The following RNF150 variants were observed in gnomAD, a reference collection of about 807,000 sequenced individuals.
RNF150 encodes ring finger protein 150.
Under a neutral mutation model 39.3 loss-of-function variants are expected in RNF150, and 24 were observed. The ratio of observed to expected loss-of-function variants is 0.61; its 90% confidence interval spans 0.44 to 0.86. The LOEUF (loss-of-function observed/expected upper bound fraction) is 0.86, where lower values mean the gene tolerates loss of function less well. Ranked by LOEUF, RNF150 falls within the 40% of genes least tolerant of loss-of-function variation. The pLI, the probability that RNF150 is intolerant of heterozygous loss-of-function variation, is 0.00. For missense variants in RNF150, 502 were observed against 587.8 expected (o/e 0.85, Z 1.51); for synonymous variants, 255 against 227.3 (o/e 1.12, Z -1.10).
chr4:140,988,962 T>C (rs1056954064), intron 1 of RNF150, among the ~76,000 whole-genome samples: 4 of 151,966 alleles, frequency 2.6e-5, no homozygotes, highest in Non-Finnish European at 4.4e-5. Flanking sequence ...ATGAGAACAC[T>C]TGGACACAGG....
At chr4:141,154,393 C>T (rs1207505873) in intron 1 of RNF150, among the ~76,000 whole-genome samples, 1 of 152,160 alleles carries the variant, frequency 6.6e-6, no homozygotes, top group Non-Finnish European at 1.5e-5. Flanking sequence ...CCTTAGCGTG[C>T]CTGTGTGGCA....
Position 141,061,340 on chromosome 4 carries a change from T to C in RNF150, c.484+70985A>G, listed in dbSNP as rs184463279. Among the ~76,000 whole-genome samples, 494 of 152,260 alleles carry C rather than the reference T, an allele frequency of 3.2e-3. 4 individuals carry two copies. The highest frequency in any genetic ancestry group is 1.6e-3 in the Non-Finnish European group (109 of 68,018). On this transcript the variant is annotated intron_variant, in intron 1 of 6. Coordinates refer to ENST00000515673, the MANE Select transcript of RNF150 (RefSeq NM_020724.2). ...TTTCAGAAAGCAATTCTGAGCTATT[T>C]GTTCACACATTGGAGATAAATAAAA...
rs185473882 is a variant in RNF150, at chr4:140,918,786, A to G, written c.987+7191T>C. 1.5e-3 allele frequency among the ~76,000 whole-genome samples: 233 copies of G among 152,320 alleles called. 1 individual carries two copies. Among genetic ancestry groups the G allele is most frequent in the Admixed American group, 3.5e-3 (54 of 15,304 alleles). On this transcript the variant is annotated intron_variant, in intron 5 of 6. Coordinates refer to ENST00000515673, the MANE Select transcript of RNF150 (RefSeq NM_020724.2). The stretch of plus-strand genomic sequence containing the variant: ...ACGAAAATTGATGCAAAAATCCTCA[A>G]TAAAATACTGGCAAACCAAATCCAG...
At chr4:141,189,963 G>T (rs1728075992) in intron 1 of RNF150, among the ~76,000 whole-genome samples, 1 of 152,198 alleles carries the variant, frequency 6.6e-6, no homozygotes, top group South Asian at 2.1e-4. Context: ...TACTCCTGCA[G>T]GTAGCTTGGT....
chr4:141,196,732 T>C (rs1157725718), intron 1 of RNF150, among the ~76,000 whole-genome samples: 1 of 152,220 alleles, frequency 6.6e-6, no homozygotes, highest in Admixed American at 6.5e-5. Flanking sequence ...TGGCCTTGAC[T>C]TCTTGCTAAG....
Position 141,181,718 on chromosome 4 carries a change from C to G in RNF150, c.-6+31076G>C, listed in dbSNP as rs182641515. Among the ~76,000 whole-genome samples the G allele has an allele frequency of 1.9e-3, 296 of 152,192 alleles. 1 individual carries two copies. Among genetic ancestry groups the G allele is most frequent in the African/African-American group, 6.7e-3 (277 of 41,542 alleles). ...GCTCAATTAAACAGAGTTTAGTGTT[C>G]AAATAAAATACACAGAAAAGTTTAT... On this transcript the variant is annotated intron_variant, in intron 1 of 7. Transcript: ENST00000420921.
At chr4:141,122,220 A>C (rs7669598) in intron 1 of RNF150, among the ~76,000 whole-genome samples, 1,828 of 152,314 alleles carry the variant, frequency 0.012, 36 homozygotes, top group African/African-American at 0.042. Flanking sequence ...AGCATCCCCC[A>C]GACACAGAGG....
At chr4:141,112,103 A>G (rs561134923) in intron 1 of RNF150, among the ~76,000 whole-genome samples, 1 of 152,340 alleles carries the variant, frequency 6.6e-6, no homozygotes, top group Non-Finnish European at 1.5e-5. Context: ...GGAATAAATT[A>G]TACTATGAAA....
At chr4:141,078,333 T>A (rs1737981032) in intron 1 of RNF150, among the ~76,000 whole-genome samples, 1 of 152,140 alleles carries the variant, frequency 6.6e-6, no homozygotes, top group Non-Finnish European at 1.5e-5. Context: ...CTCAGAAGAC[T>A]GAGCAATTTT....
At chr4:141,001,130 T>C (rs1420907911) in intron 1 of RNF150, among the ~76,000 whole-genome samples, 1 of 152,210 alleles carries the variant, frequency 6.6e-6, no homozygotes, top group Non-Finnish European at 1.5e-5. Flanking sequence ...ATCAGGTTTA[T>C]GGAAAACTTT....
chr4:141,099,571 C>G (rs1165431530), intron 1 of RNF150, among the ~76,000 whole-genome samples: 1 of 151,990 alleles, frequency 6.6e-6, no homozygotes, highest in Non-Finnish European at 1.5e-5. Context: ...TGTATCTTCA[C>G]CAAAAGTGAG....
intron 1 of RNF150, among the ~76,000 whole-genome samples, chr4:140,995,279 C>T (rs1445776566): frequency 1.3e-5 from 2 of 152,178 alleles, no homozygotes; most frequent in East Asian, 3.9e-4. Flanking sequence ...GTGTTAGCAG[C>T]TTTTGTTGAA....
intron 1 of RNF150, among the ~76,000 whole-genome samples, chr4:141,148,104 A>T (rs934231073): frequency 1.1e-4 from 16 of 152,218 alleles, no homozygotes; most frequent in African/African-American, 3.4e-4. Context: ...TAATAAAATT[A>T]GTCTTAATAC....
intron 4 of RNF150, among the ~76,000 whole-genome samples, chr4:140,939,962 T>C (rs147321319): frequency 3.3e-5 from 5 of 152,328 alleles, no homozygotes; most frequent in African/African-American, 9.6e-5. Flanking sequence ...ATTTCCTACC[T>C]GGACTTTGCA....
intron 1 of RNF150, among the ~76,000 whole-genome samples, chr4:141,118,748 G>T (rs188124221): frequency 2.0e-5 from 3 of 152,096 alleles, no homozygotes; most frequent in Admixed American, 6.5e-5. Flanking sequence ...TTTTCTGTTT[G>T]TTTGATTGAG....
chr4:140,996,628 G>A (rs1344003922), intron 1 of RNF150, among the ~76,000 whole-genome samples: 1 of 152,194 alleles, frequency 6.6e-6, no homozygotes, highest in African/African-American at 2.4e-5. Flanking sequence ...TTCTTATCCT[G>A]TTAAACGTTA....
At chr4:141,032,902 C>T (rs1736006528) in intron 1 of RNF150, among the ~76,000 whole-genome samples, 1 of 152,114 alleles carries the variant, frequency 6.6e-6, no homozygotes, top group Admixed American at 6.5e-5. Context: ...GCTAAAAATG[C>T]TTACAATCAT....
intron 1 of RNF150, among the ~76,000 whole-genome samples, chr4:141,157,011 C>T (rs1336724885): frequency 6.6e-6 from 1 of 152,166 alleles, no homozygotes. Context: ...TGTAAGGATG[C>T]TTTCAGCTGC....
At chr4:141,044,140 A>C (rs934753597) in intron 1 of RNF150, among the ~76,000 whole-genome samples, 2 of 152,208 alleles carry the variant, frequency 1.3e-5, no homozygotes, top group African/African-American at 4.8e-5. Context: ...TTAACATTGA[A>C]AGTGATATAT....
Sources: allele counts gnomAD v4.1 joint callset (sites outside exome capture counted in the v4.1 genomes callset), GRCh38; gene constraint gnomAD v4.1.1; transcripts MANE v1.5; gene names NCBI Gene and HGNC (gene_info 2026-07-23, HGNC 2026-07-21).